The following CRLF3 variants were observed in gnomAD, a reference collection of about 807,000 sequenced individuals.
The protein encoded by CRLF3 is cytokine receptor-like factor 3.
In CRLF3, 33 loss-of-function variants were observed where a neutral mutation model predicts 55.0. That is an observed-to-expected ratio of 0.60 (90% CI 0.46 to 0.80). The LOEUF (loss-of-function observed/expected upper bound fraction) is 0.80. Ranked by LOEUF, CRLF3 falls within the 30% of genes least tolerant of loss-of-function variation. The pLI, the probability that CRLF3 is intolerant of heterozygous loss-of-function variation, is 0.00. For missense variants in CRLF3, 494 were observed against 538.4 expected (o/e 0.92, Z 0.82); for synonymous variants, 238 against 196.8 (o/e 1.21, Z -1.75).
chr17:30,785,808 ATACCT>A, intron 7 of CRLF3, 106 bp downstream of exon 7: 1 of 602,864 alleles, frequency 1.7e-6, no homozygotes. Context: ...AAAAAGAAAA[ATACCT>A]AAATTTTCTC....
At position 30,796,204 on chromosome 17, in the gene CRLF3, C is replaced by T. The variant is rs373922438; in HGVS notation, c.559G>A (p.Glu187Lys). 3 of 1,613,628 alleles carry T rather than the reference C, an allele frequency of 1.9e-6. No individual in the cohort carries two copies. The highest frequency in any genetic ancestry group is 1.3e-5 in the African/African-American group (1 of 75,016). The change falls in exon 4 of 8, where the codon GAA becomes AAA. Residue 187 changes from glutamate to lysine, a missense_variant. Transcript: ENST00000324238. ...VASRPPVQIE[E>K]LIEKPGGIIV... is the part of the protein sequence containing the mutation. ...ATGCCTCCAGGTTTCTCTATTAGTT[C>T]TTCTATCTGTACTGGTGGGCGAGAT...
intron 6 of CRLF3, among the ~76,000 whole-genome samples, chr17:30,790,086 C>T (rs192560778): frequency 6.6e-6 from 1 of 151,726 alleles, no homozygotes; most frequent in East Asian, 1.9e-4. Context: ...TTAGACAAAA[C>T]AAACTAGTAT....
At chr17:30,823,485 C>G (rs1003464736) in intron 1 of CRLF3, among the ~76,000 whole-genome samples, 9 of 151,450 alleles carry the variant, frequency 5.9e-5, no homozygotes, top group African/African-American at 2.2e-4. Context: ...ACTGTTAGCA[C>G]AGCACTTTTC....
At position 30,792,546 on chromosome 17, in the gene CRLF3, T is replaced by G; in HGVS notation, c.853A>C (p.Ser285Arg). The change falls in exon 6 of 8, where the codon AGT (serine) becomes CGT (arginine). Residue 285 changes from serine to arginine, a missense_variant. Ser to Arg is a moderately radical substitution (Grantham distance 110, BLOSUM62 -1). Transcript: ENST00000324238. ...GCTATATTTCTTCGACTGCTCAGAC[T>G]GTACCCCTCAAAACCAGCTGTCCAC... ...HEWTAGFEGY[S>R]LSSRRNIALR... 2 of 1,606,770 alleles carry G rather than the reference T, an allele frequency of 1.2e-6. No individual in the cohort carries two copies. Among genetic ancestry groups the G allele is most frequent in the Non-Finnish European group, 1.7e-6 (2 of 1,173,930 alleles).
At chr17:30,805,159 G>C (rs1393675395) in intron 1 of CRLF3, among the ~76,000 whole-genome samples, 1 of 152,078 alleles carries the variant, frequency 6.6e-6, no homozygotes, top group Non-Finnish European at 1.5e-5. Flanking sequence ...CTCCAGCTGG[G>C]CAACAGAGTG....
chr17:30,817,890 G>A (rs556828783), intron 1 of CRLF3, among the ~76,000 whole-genome samples: 5 of 135,098 alleles, frequency 3.7e-5, no homozygotes, highest in Non-Finnish European at 7.8e-5. Flanking sequence ...TGGCGACAGA[G>A]TGAGACTCCA....
intron 5 of CRLF3, chr17:30,792,798 TATCTC>T (rs1435340444): frequency 4.1e-5 from 15 of 366,296 alleles, no homozygotes; most frequent in African/African-American, 8.0e-5. Context: ...ACACAAGTGT[TATCTC>T]TTATCTAATA....
intron 2 of CRLF3, among the ~76,000 whole-genome samples, chr17:30,802,882 A>G (rs997751552): frequency 6.6e-6 from 1 of 151,616 alleles, no homozygotes; most frequent in Non-Finnish European, 1.5e-5. Flanking sequence ...AACAATGGAG[A>G]CTGTAATTGT....
intron 7 of CRLF3, 113 bp from the exon 8 acceptor site, chr17:30,784,556 C>G (rs189363338): frequency 3.0e-5 from 28 of 923,368 alleles, no homozygotes; most frequent in African/African-American, 1.8e-4. Flanking sequence ...TTTAAAAAAT[C>G]TGGAATGCCA....
chr17:30,813,617 AATAACT>A (rs901657005), intron 1 of CRLF3, among the ~76,000 whole-genome samples: 6 of 151,428 alleles, frequency 4.0e-5, no homozygotes, highest in Middle Eastern at 3.4e-3. Context: ...TTTTTTTTTT[AATAACT>A]ATAAGTTTTA....
chr17:30,802,031 C>A (rs2142260942), intron 2 of CRLF3, among the ~76,000 whole-genome samples: 1 of 152,144 alleles, frequency 6.6e-6, no homozygotes, highest in South Asian at 2.1e-4. Flanking sequence ...TAAGAACTTC[C>A]TCCTCTATGC....
chr17:30,798,491 CT>C (rs1415619019), intron 2 of CRLF3, among the ~76,000 whole-genome samples: 1 of 152,122 alleles, frequency 6.6e-6, no homozygotes, highest in East Asian at 1.9e-4. Context: ...TAAATGTGCC[CT>C]GTAGTTACTC....
At chr17:30,801,698 T>C (rs1387166938) in intron 2 of CRLF3, among the ~76,000 whole-genome samples, 1 of 152,148 alleles carries the variant, frequency 6.6e-6, no homozygotes, top group African/African-American at 2.4e-5. Flanking sequence ...CCCAAAGTGC[T>C]GGGGTTATAG....
intron 1 of CRLF3, among the ~76,000 whole-genome samples, chr17:30,819,461 TTTGATCAG>T (rs1049438606): frequency 2.6e-5 from 4 of 152,150 alleles, no homozygotes; most frequent in African/African-American, 9.7e-5. Context: ...TACGTGACAT[TTTGATCAG>T]TTATCTCTAC....
intron 5 of CRLF3, 126 bp from the exon 6 acceptor site, chr17:30,792,698 TA>T: frequency 1.3e-6 from 1 of 783,552 alleles, no homozygotes; most frequent in Non-Finnish European, 2.0e-6. Flanking sequence ...TTCAATAAAA[TA>T]AAAGATTCCA....
chr17:30,790,342 T>G (rs1971763578), intron 6 of CRLF3, among the ~76,000 whole-genome samples: 1 of 152,176 alleles, frequency 6.6e-6, no homozygotes, highest in South Asian at 2.1e-4. Context: ...AAAACTGGTC[T>G]TTAGTTTCTA....
At chr17:30,804,959 G>C (rs1162908619) in intron 1 of CRLF3, among the ~76,000 whole-genome samples, 3 of 152,146 alleles carry the variant, frequency 2.0e-5, no homozygotes, top group African/African-American at 4.8e-5. Flanking sequence ...GAGGAGGGCA[G>C]ATCATTTGAA....
At chr17:30,788,107 TCA>T (rs1459626148) in intron 6 of CRLF3, among the ~76,000 whole-genome samples, 5 of 151,776 alleles carry the variant, frequency 3.3e-5, no homozygotes, top group Non-Finnish European at 7.4e-5. Context: ...GGTGGGCGGA[TCA>T]CAAAGTCAGG....
At chr17:30,801,772 A>G (rs1351788621) in intron 2 of CRLF3, among the ~76,000 whole-genome samples, 1 of 151,918 alleles carries the variant, frequency 6.6e-6, no homozygotes, top group Non-Finnish European at 1.5e-5. Flanking sequence ...TAGTCTTACA[A>G]TCTCTAACAT....
Sources: allele counts gnomAD v4.1 joint callset (sites outside exome capture counted in the v4.1 genomes callset), GRCh38; gene constraint gnomAD v4.1.1; transcripts MANE v1.5; gene names NCBI Gene and HGNC (gene_info 2026-07-23, HGNC 2026-07-21).